Variants in DMD observed in about 807,000 individuals in gnomAD.
The protein encoded by DMD is dystrophin.
A neutral mutation model predicts 330.1 loss-of-function variants in DMD; 63 were observed. That is an observed-to-expected ratio of 0.19 (90% CI 0.16 to 0.24). The LOEUF (loss-of-function observed/expected upper bound fraction) is 0.24, where lower values mean the gene tolerates loss of function less well. DMD is among the 10% of genes least tolerant of loss of function. The probability of loss-of-function intolerance (pLI) is 1.00; values close to 1 mark genes in which losing one functional copy is unlikely to be tolerated. For synonymous variants in DMD, 1,223 were observed against 959.8 expected, an observed-to-expected ratio of 1.27 and a Z score of -5.07; for missense variants, 3,344 against 2,684.1, an observed-to-expected ratio of 1.25 and a Z score of -5.43.
At chrX:32,640,134 A>G (rs1171946861) in intron 11 of DMD, among the ~76,000 whole-genome samples, 1 of 109,573 alleles carries the variant, frequency 9.1e-6, no homozygotes, top group Non-Finnish European at 1.9e-5. Flanking sequence ...CTTCATATAG[A>G]AAATATCAAA....
intron 2 of DMD, among the ~76,000 whole-genome samples, chrX:32,850,836 T>C (rs988536903): frequency 8.9e-6 from 1 of 111,984 alleles, no homozygotes; most frequent in African/African-American, 3.2e-5. Flanking sequence ...GTCAAAGACA[T>C]ATTGAGCATG....
intron 45 of DMD, among the ~76,000 whole-genome samples, chrX:31,936,634 C>T (rs1389659778): frequency 5.4e-5 from 6 of 110,770 alleles, no homozygotes; most frequent in Non-Finnish European, 1.1e-4. Context: ...TTCCTTTTTG[C>T]CTTTTAGTAG....
At chrX:31,395,880 C>T (rs1293093407) in intron 60 of DMD, among the ~76,000 whole-genome samples, 1 of 111,929 alleles carries the variant, frequency 8.9e-6, no homozygotes, top group Non-Finnish European at 1.9e-5. Flanking sequence ...ATATGAAAAA[C>T]AAACAAAAAA....
intron 44 of DMD, among the ~76,000 whole-genome samples, chrX:31,999,513 A>G (rs920173458): frequency 8.9e-6 from 1 of 112,089 alleles, no homozygotes; most frequent in African/African-American, 3.2e-5. Flanking sequence ...AAAAGTGTAC[A>G]AATTATTTTA....
At chrX:31,661,188 C>T (rs948997107) in intron 53 of DMD, among the ~76,000 whole-genome samples, 1 of 111,548 alleles carries the variant, frequency 9.0e-6, no homozygotes, top group Non-Finnish European at 1.9e-5. Flanking sequence ...GTATTCACAG[C>T]GAAAGTTAGG....
intron 1 of DMD, among the ~76,000 whole-genome samples, chrX:33,241,575 T>C (rs1013595997): frequency 8.9e-5 from 10 of 112,006 alleles, no homozygotes; most frequent in South Asian, 3.7e-4. Flanking sequence ...ATGTCACTGG[T>C]GTTTTGATAA....
chrX:33,045,675 C>CACA (rs1291656526), intron 1 of DMD, among the ~76,000 whole-genome samples: 1 of 111,072 alleles, frequency 9.0e-6, no homozygotes, highest in Non-Finnish European at 1.9e-5. Context: ...CTCTGACACA[C>CACA]ACACACACAC....
intron 67 of DMD, among the ~76,000 whole-genome samples, chrX:31,186,300 C>T (rs1231452629): frequency 3.6e-5 from 4 of 112,155 alleles, no homozygotes; most frequent in Non-Finnish European, 5.6e-5. Flanking sequence ...TACATATACA[C>T]CCTGGAATAC....
chrX:32,151,410 T>C (rs1366983832), intron 44 of DMD: 1 of 111,542 alleles, frequency 9.0e-6, no homozygotes, highest in African/African-American at 3.3e-5. Context: ...CTTTTGCCTC[T>C]GGAGGCAAAA....
intron 1 of DMD, among the ~76,000 whole-genome samples, chrX:33,135,748 T>C (rs1436730390): frequency 8.9e-6 from 1 of 112,157 alleles, no homozygotes; most frequent in Non-Finnish European, 1.9e-5. Flanking sequence ...TTGCACCAAT[T>C]TTCACATTTT....
chrX:32,138,101 C>T (rs1022375680), intron 44 of DMD, among the ~76,000 whole-genome samples: 2 of 109,702 alleles, frequency 1.8e-5, no homozygotes, highest in Non-Finnish European at 3.8e-5. Context: ...CGAGCCAACT[C>T]GTCCCCAGTT....
intron 55 of DMD, among the ~76,000 whole-genome samples, chrX:31,522,020 T>C (rs2072811043): frequency 9.0e-6 from 1 of 110,655 alleles, no homozygotes; most frequent in African/African-American, 3.3e-5. Context: ...AGCAAATAAA[T>C]GAACCAAAAT....
intron 12 of DMD, among the ~76,000 whole-genome samples, chrX:32,608,272 T>A (rs1248844617): frequency 9.0e-6 from 1 of 110,533 alleles, no homozygotes; most frequent in Non-Finnish European, 1.9e-5. Context: ...GTTAATAGAA[T>A]TCTTATGGGA....
intron 44 of DMD, among the ~76,000 whole-genome samples, chrX:32,099,421 T>C (rs1033114984): frequency 3.2e-4 from 35 of 110,925 alleles, no homozygotes; most frequent in Admixed American, 6.7e-4. Flanking sequence ...TAAATCATGC[T>C]GCTATAAAGA....
intron 55 of DMD, among the ~76,000 whole-genome samples, chrX:31,545,480 A>T (rs2074092866): frequency 8.9e-6 from 1 of 112,614 alleles, no homozygotes; most frequent in African/African-American, 3.2e-5. Flanking sequence ...GTTTCTTCAC[A>T]GGAATGATAC....
chrX:32,545,410 A>G (rs1382349866), intron 16 of DMD, 76 bp from the exon 17 acceptor site: 1 of 976,976 alleles, frequency 1.0e-6, no homozygotes, highest in Non-Finnish European at 1.5e-6. Context: ...TGGCAAAGGA[A>G]AATAATGAGA....
intron 2 of DMD, among the ~76,000 whole-genome samples, chrX:32,870,836 T>C (rs1461539413): frequency 1.8e-5 from 2 of 109,501 alleles, no homozygotes. Flanking sequence ...TAAGAAAATC[T>C]AAGCAATACC....
At chrX:32,595,439 T>C (rs1373507609) in intron 13 of DMD, among the ~76,000 whole-genome samples, 1 of 111,763 alleles carries the variant, frequency 8.9e-6, no homozygotes, top group Non-Finnish European at 1.9e-5. Flanking sequence ...ACTCCATGCC[T>C]TAGAAAAATG....
chrX:32,563,987 T>A (rs140889923), intron 16 of DMD, among the ~76,000 whole-genome samples: 4 of 111,795 alleles, frequency 3.6e-5, no homozygotes, highest in Admixed American at 9.5e-5. Context: ...TCCAATAGTC[T>A]TATTTACTGC....
Sources: gnomAD v4.1 joint callset for allele counts (sites outside exome capture counted in the v4.1 genomes callset) on GRCh38, gnomAD v4.1.1 for gene constraint, MANE v1.5 for transcripts, NCBI Gene and HGNC (gene_info 2026-07-23, HGNC 2026-07-21) for gene names.